The following HCN4 variants were observed in gnomAD, a reference collection of about 807,000 sequenced individuals.
HCN4 encodes potassium/sodium hyperpolarization-activated cyclic nucleotide-gated channel 4.
In HCN4, 29 loss-of-function variants were observed where a neutral mutation model predicts 76.9. That is an observed-to-expected ratio of 0.38 (90% CI 0.28 to 0.51). The LOEUF is 0.51. Ranked by LOEUF, HCN4 falls within the 20% of genes least tolerant of loss-of-function variation. The pLI, the probability that HCN4 is intolerant of heterozygous loss-of-function variation, is 0.90. For missense variants in HCN4, 1,416 were observed against 1,715.2 expected, an observed-to-expected ratio of 0.83 and a Z score of 3.08; for synonymous variants, 772 against 762.5, an observed-to-expected ratio of 1.01 and a Z score of -0.21.
intron 4 of HCN4, among the ~76,000 whole-genome samples, chr15:73,327,633 A>G (rs1201771520): frequency 6.6e-6 from 1 of 151,900 alleles, no homozygotes; most frequent in African/African-American, 2.4e-5. Context: ...CTGGGCCCGG[A>G]CTAAGCCCTG....
intron 1 of HCN4, among the ~76,000 whole-genome samples, chr15:73,346,623 A>C (rs2043031034): frequency 6.6e-6 from 1 of 152,082 alleles, no homozygotes; most frequent in Non-Finnish European, 1.5e-5. Flanking sequence ...ACCTCCAGAG[A>C]CTCATGGTCT....
intron 1 of HCN4, among the ~76,000 whole-genome samples, chr15:73,360,303 C>T (rs2043099261): frequency 6.6e-6 from 1 of 152,176 alleles, no homozygotes; most frequent in Non-Finnish European, 1.5e-5. Flanking sequence ...TTACACAACC[C>T]ACTTGGTCTC....
intron 1 of HCN4, among the ~76,000 whole-genome samples, chr15:73,354,093 C>A (rs954896408): frequency 6.6e-6 from 1 of 152,200 alleles, no homozygotes; most frequent in African/African-American, 2.4e-5. Flanking sequence ...CGATTTAGAG[C>A]CAAGGGCATC....
chr15:73,334,355 C>T (rs2042949870), intron 2 of HCN4, among the ~76,000 whole-genome samples: 1 of 152,152 alleles, frequency 6.6e-6, no homozygotes, highest in South Asian at 2.1e-4. Flanking sequence ...GGTCCATTTT[C>T]TGTGGCTGGT....
rs983872803 is a variant in HCN4, at chr15:73,325,808, G to A, written c.1591-364C>T. Among the ~76,000 whole-genome samples, 14 of 152,166 alleles carry A rather than the reference G, an allele frequency of 9.2e-5. No homozygotes were observed. The highest frequency in any genetic ancestry group is 3.1e-4 in the African/African-American group (13 of 41,432). ...TGGAATGTTACACTGGGGACAGGGAGGCCTCACCGACTCTGCGGGGAAAGA... is the reference window on the plus strand; with the variant it reads ...TGGAATGTTACACTGGGGACAGGGAAGCCTCACCGACTCTGCGGGGAAAGA... On this transcript the variant is annotated intron_variant, in intron 4 of 7. Transcript: ENST00000261917. The surrounding 1 kb of genome is among the most constrained non-coding windows in gnomAD (Gnocchi z 7.4).
At chr15:73,355,513 C>T (rs2043074108) in intron 1 of HCN4, among the ~76,000 whole-genome samples, 1 of 152,166 alleles carries the variant, frequency 6.6e-6, no homozygotes, top group Non-Finnish European at 1.5e-5. Flanking sequence ...ATGTGGAAGA[C>T]ATCCTGAACG....
intron 1 of HCN4, among the ~76,000 whole-genome samples, chr15:73,366,925 C>A (rs572691611): frequency 6.6e-6 from 1 of 152,372 alleles, no homozygotes; most frequent in South Asian, 2.1e-4. Flanking sequence ...AGGAGCTGAG[C>A]TCAGGGTTAC....
Position 73,368,865 on chromosome 15 carries a change from C to A in HCN4, c.-595G>T, listed in dbSNP as rs1378474197. 1.3e-5 allele frequency: 2 copies of A among 152,212 alleles called. No homozygotes were observed. Among genetic ancestry groups the A allele is most frequent in the African/African-American group, 2.4e-5 (1 of 41,456 alleles). 9.4% of individuals were successfully genotyped at this position (152,212 alleles called of 1,614,324 possible). On this transcript the variant is annotated 5_prime_UTR_variant, in exon 1 of 8. Transcript: ENST00000261917. This position sits in a 1 kb window ranked among gnomAD's most constrained non-coding sequence, Gnocchi z 6.9. ...CGGGCTTACATCAGCGGCCGCCTCC[C>A]CCGAAGCGCCCTCCGGCAGCGCTCG...
chr15:73,324,285 T>G, intron 6 of HCN4, 32 bp from the exon 7 acceptor site: 1 of 1,611,050 alleles, frequency 6.2e-7, no homozygotes, highest in Non-Finnish European at 8.5e-7. Flanking sequence ...GGATGAGGCA[T>G]GCACAGCCTG....
In HCN4 at chr15:73,368,419, G is replaced by C. The variant is rs1567802597; in HGVS notation, c.-149C>G. 2 of 453,324 alleles carry C rather than the reference G, an allele frequency of 4.4e-6. No individual in the cohort carries two copies. The highest frequency in any genetic ancestry group is 7.3e-6 in the Non-Finnish European group (2 of 274,998). 28.1% of individuals were successfully genotyped at this position (453,324 alleles called of 1,614,324 possible). A position where few individuals can be genotyped will look rare whatever the true frequency, so the allele number is the denominator to read the frequency against. On this transcript the variant is annotated 5_prime_UTR_variant, in exon 1 of 8. Transcript: ENST00000261917. This position sits in a 1 kb window ranked among gnomAD's most constrained non-coding sequence, Gnocchi z 6.9. The stretch of plus-strand genomic sequence containing the variant: ...GCCTCAGGCGCCCATGCTTGGGCAG[G>C]CTGCGCGCCGCGGGGAGGATCCTAG...
At chr15:73,337,836 A>T (rs1208239008) in intron 2 of HCN4, among the ~76,000 whole-genome samples, 1 of 152,118 alleles carries the variant, frequency 6.6e-6, no homozygotes, top group Non-Finnish European at 1.5e-5. Context: ...GGGAAGAACC[A>T]AGGTGCCTTC....
chr15:73,367,645 C>A lies in HCN4; in HGVS notation c.626G>T (p.Gly209Val). ...QILPEAEVRL[G>V]QAGFMQRQFG... ...CTGGCGCTGCATGAAGCCGGCCTGG[C>A]CCAGGCGCACCTCGGCCTCCGGGAG... Residue 209 changes from glycine to valine, a missense_variant, in exon 1 of 8, where the codon GGC (glycine) becomes GTC (valine). This residue lies in a region of HCN4 where 355 missense variants were observed against 347.8 expected (regional missense o/e 1.02). Transcript: ENST00000261917. The surrounding 1 kb of genome is among the most constrained non-coding windows in gnomAD (Gnocchi z 7.5). 6.2e-7 allele frequency: 1 copy of A among 1,610,994 alleles called. No homozygotes were observed. Among genetic ancestry groups the A allele is most frequent in the Non-Finnish European group, 8.5e-7 (1 of 1,179,944 alleles).
At chr15:73,327,480 A>C (rs1164203476) in intron 4 of HCN4, among the ~76,000 whole-genome samples, 2 of 151,784 alleles carry the variant, frequency 1.3e-5, no homozygotes, top group Non-Finnish European at 2.9e-5. Context: ...TCACACACTG[A>C]GCCCTGACCC....
At chr15:73,360,918 T>G (rs1030572910) in intron 1 of HCN4, among the ~76,000 whole-genome samples, 1 of 152,172 alleles carries the variant, frequency 6.6e-6, no homozygotes, top group Non-Finnish European at 1.5e-5. Context: ...TAGCGACAGC[T>G]GGGGACCTGC....
chr15:73,361,214 C>T (rs933340191), intron 1 of HCN4, among the ~76,000 whole-genome samples: 7 of 152,204 alleles, frequency 4.6e-5, no homozygotes, highest in Non-Finnish European at 1.5e-5. Context: ...TTATCTTGAG[C>T]GCCCACGGTG....
chr15:73,349,802 T>A (rs2043045635), intron 1 of HCN4, among the ~76,000 whole-genome samples: 1 of 152,186 alleles, frequency 6.6e-6, no homozygotes, highest in Non-Finnish European at 1.5e-5. Flanking sequence ...ATCTTTTGGG[T>A]ATCCTTGTCA....
intron 1 of HCN4, among the ~76,000 whole-genome samples, chr15:73,363,312 T>C (rs913815292): frequency 1.3e-5 from 2 of 152,142 alleles, no homozygotes; most frequent in African/African-American, 4.8e-5. Flanking sequence ...TGGGAGCGGG[T>C]AGGACTGAGG....
At chr15:73,349,061 C>T (rs1027968219) in intron 1 of HCN4, among the ~76,000 whole-genome samples, 2 of 151,928 alleles carry the variant, frequency 1.3e-5, no homozygotes, top group African/African-American at 4.8e-5. Flanking sequence ...ACACCCCCAG[C>T]AGTCACCATG....
intron 2 of HCN4, among the ~76,000 whole-genome samples, chr15:73,335,092 T>C (rs1360514175): frequency 6.6e-6 from 1 of 152,140 alleles, no homozygotes; most frequent in African/African-American, 2.4e-5. Flanking sequence ...GCTGGCACTC[T>C]CAACCCAGAC....
Sources: allele counts gnomAD v4.1 joint callset (sites outside exome capture counted in the v4.1 genomes callset), GRCh38; gene constraint gnomAD v4.1.1; regional missense constraint gnomAD v4.1.1; non-coding constraint Gnocchi (gnomAD v3.1); transcripts MANE v1.5; gene names NCBI Gene and HGNC (gene_info 2026-07-23, HGNC 2026-07-21).